The following CCDC30 variants were observed in gnomAD, a reference collection of about 807,000 sequenced individuals.
CCDC30 encodes the protein coiled-coil domain-containing protein 30.
In CCDC30, 70 loss-of-function variants were observed where a neutral mutation model predicts 100.2. That is an observed-to-expected ratio of 0.70 (90% CI 0.58 to 0.85). CCDC30 has a LOEUF of 0.85. CCDC30 is among the 40% of genes least tolerant of loss of function. The pLI, the probability that CCDC30 is intolerant of heterozygous loss-of-function variation, is 0.00. For synonymous variants in CCDC30, 233 were observed against 269.5 expected (o/e 0.86, Z 1.33); for missense variants, 652 against 771.2 (o/e 0.85, Z 1.83).
At chr1:42,614,431 A>G (rs1646686308) in intron 11 of CCDC30, among the ~76,000 whole-genome samples, 1 of 151,954 alleles carries the variant, frequency 6.6e-6, no homozygotes, top group East Asian at 1.9e-4. Flanking sequence ...AAAGATTTTT[A>G]AATGTACAAT....
At chr1:42,511,596 G>T (rs1216448314) in intron 6 of CCDC30, among the ~76,000 whole-genome samples, 1 of 152,172 alleles carries the variant, frequency 6.6e-6, no homozygotes, top group African/African-American at 2.4e-5. Flanking sequence ...AAAATTTGGT[G>T]CCAGAGGCCA....
chr1:42,646,063 G>C (rs1647855000), intron 14 of CCDC30, 72 bp from the exon 19 acceptor site: 1 of 1,491,356 alleles, frequency 6.7e-7, no homozygotes, highest in Non-Finnish European at 8.9e-7. Context: ...TTCCGTATGT[G>C]TCAAAGGTAC....
rs1277672974 is a variant in CCDC30, at chr1:42,614,225, C to T, written c.1277+3135C>T. On this transcript the variant is annotated intron_variant, in intron 11 of 16. Coordinates refer to ENST00000668663, the Ensembl canonical transcript of CCDC30. ...CCTCCCGAGTAGCTGGGACTACAGG[C>T]GCCCGCCACTACGCCTGGCTAATTT... Among the ~76,000 whole-genome samples, 4 of 150,848 alleles carry T rather than the reference C, an allele frequency of 2.7e-5. 1 individual carries two copies. The highest frequency in any genetic ancestry group is 5.9e-5 in the Non-Finnish European group (4 of 67,450).
chr1:42,516,571 C>CAAAAAAA (rs61638436), intron 6 of CCDC30, among the ~76,000 whole-genome samples: 1 of 102,158 alleles, frequency 9.8e-6, no homozygotes, highest in African/African-American at 3.9e-5. Flanking sequence ...GACTCCATCT[C>CAAAAAAA]AAAAAAAAAA....
downstream of CCDC30, among the ~76,000 whole-genome samples, chr1:42,655,779 A>T (rs1648636791): frequency 6.6e-6 from 1 of 151,590 alleles, no homozygotes; most frequent in African/African-American, 2.4e-5. Flanking sequence ...TTCATCTATC[A>T]GGGTGGAACA....
At chr1:42,630,234 G>A (rs1037709707) in intron 11 of CCDC30, among the ~76,000 whole-genome samples, 1 of 150,722 alleles carries the variant, frequency 6.6e-6, no homozygotes, top group South Asian at 2.1e-4. Context: ...TTTGGCCTCC[G>A]AAAGTGTTGG....
chr1:42,527,779 T>C (rs374905380), intron 6 of CCDC30, among the ~76,000 whole-genome samples: 32 of 152,294 alleles, frequency 2.1e-4, no homozygotes, highest in African/African-American at 7.7e-4. Flanking sequence ...CTTCCTGTGG[T>C]GTCTGGGAAG....
At chr1:42,588,470 A>G (rs1290634785) in intron 9 of CCDC30, among the ~76,000 whole-genome samples, 1 of 152,220 alleles carries the variant, frequency 6.6e-6, no homozygotes, top group Non-Finnish European at 1.5e-5. Flanking sequence ...ACCCATTTCC[A>G]GGGGAGAGGG....
intron 3 of CCDC30, among the ~76,000 whole-genome samples, chr1:42,486,755 G>A (rs1382522795): frequency 2.0e-5 from 3 of 152,096 alleles, no homozygotes; most frequent in African/African-American, 7.2e-5. Context: ...AGACTTGTGA[G>A]TCCTCTTAGC....
intron 11 of CCDC30, 38 bp downstream of exon 15, chr1:42,611,128 T>C: frequency 8.0e-7 from 1 of 1,246,736 alleles, no homozygotes; most frequent in East Asian, 2.3e-5. Context: ...GAAAACTATG[T>C]AGAGTAGTTA....
chr1:42,606,575 A>G (rs560693823), intron 10 of CCDC30, among the ~76,000 whole-genome samples: 50 of 152,338 alleles, frequency 3.3e-4, no homozygotes, highest in Non-Finnish European at 6.2e-4. Flanking sequence ...TTAAAATGCC[A>G]TGTGACACCA....
At chr1:42,590,771 A>C (rs1646171271) in intron 10 of CCDC30, 2 of 152,150 alleles carry the variant, frequency 1.3e-5, no homozygotes, top group African/African-American at 4.8e-5. Flanking sequence ...GTAACTTCTT[A>C]GAGACTGGTT....
At chr1:42,529,909 A>G (rs1465481646) in intron 6 of CCDC30, among the ~76,000 whole-genome samples, 1 of 152,244 alleles carries the variant, frequency 6.6e-6, no homozygotes, top group Non-Finnish European at 1.5e-5. Context: ...TGAAAATATT[A>G]AATGCAAAAT....
upstream of CCDC30, among the ~76,000 whole-genome samples, chr1:42,463,153 CG>C (rs774400732): frequency 1.5e-3 from 228 of 152,362 alleles, no homozygotes; most frequent in Non-Finnish European, 2.5e-3. Flanking sequence ...ACTCCGCCCC[CG>C]ACCCGAAGGC....
intron 6 of CCDC30, among the ~76,000 whole-genome samples, chr1:42,511,192 G>T (rs1182592542): frequency 6.6e-6 from 1 of 152,028 alleles, no homozygotes; most frequent in Non-Finnish European, 1.5e-5. Context: ...ATGGTTGCGG[G>T]CATGACCCCC....
intron 6 of CCDC30, among the ~76,000 whole-genome samples, chr1:42,542,533 A>ATTTT (rs749030366): frequency 9.9e-6 from 1 of 100,820 alleles, no homozygotes; most frequent in Admixed American, 1.0e-4. Flanking sequence ...CTAATTTTAA[A>ATTTT]TTTTTCTTTT....
At chr1:42,599,563 A>G (rs944756784) in intron 10 of CCDC30, among the ~76,000 whole-genome samples, 2 of 152,248 alleles carry the variant, frequency 1.3e-5, no homozygotes, top group African/African-American at 4.8e-5. Context: ...AATTATATTA[A>G]TAATCACTTT....
chr1:42,627,112 T>C lies in CCDC30; in HGVS notation c.1278-10125T>C, dbSNP rs538285708. Among the ~76,000 whole-genome samples the C allele has an allele frequency of 1.4e-4, 21 of 152,194 alleles. No individual in the cohort carries two copies. In the East Asian group the frequency reaches 3.7e-3, roughly 27 times the overall value. ...TGGCTTTGACAAAAAATGCTGATAG[T>C]GATATGAACAATAAGGTCCAGGCTG... On this transcript the variant is annotated intron_variant, in intron 11 of 16. Coordinates refer to ENST00000668663, the Ensembl canonical transcript of CCDC30.
intron 10 of CCDC30, among the ~76,000 whole-genome samples, chr1:42,605,183 C>T (rs1646478628): frequency 6.6e-6 from 1 of 152,202 alleles, no homozygotes; most frequent in Admixed American, 6.5e-5. Context: ...CCATTAAAAT[C>T]AGGGAGCCAT....
Sources: gnomAD v4.1 joint callset for allele counts (sites outside exome capture counted in the v4.1 genomes callset) on GRCh38, gnomAD v4.1.1 for gene constraint, MANE v1.5 for transcripts, NCBI Gene and HGNC (gene_info 2026-07-23, HGNC 2026-07-21) for gene names.